SIPA1L2: variants seen among roughly 807,000 people sequenced by gnomAD.
The protein encoded by SIPA1L2 is signal-induced proliferation-associated 1-like protein 2.
In SIPA1L2, 56 loss-of-function variants were observed where a neutral mutation model predicts 163.9. That is an observed-to-expected ratio of 0.34 (90% confidence interval 0.28 to 0.43). The LOEUF is 0.43. Among genes scored for constraint, SIPA1L2 ranks in the 20% least tolerant of loss-of-function variants. SIPA1L2 has a pLI of 1.00. For synonymous variants in SIPA1L2, 877 were observed against 865.7 expected (o/e 1.01, Z -0.23); for missense variants, 1,974 against 2,193.5 (o/e 0.90, Z 2.00).
At chr1:232,484,062 G>C (rs1474695287) in intron 5 of SIPA1L2, 96 bp from the exon 6 acceptor site, 1 of 1,186,422 alleles carries the variant, frequency 8.4e-7, no homozygotes. Flanking sequence ...ATTGTTCTAG[G>C]AAAGCATGCC....
At chr1:232,429,922 C>T (rs1662128932) in intron 16 of SIPA1L2, among the ~76,000 whole-genome samples, 1 of 152,148 alleles carries the variant, frequency 6.6e-6, no homozygotes, top group African/African-American at 2.4e-5. Flanking sequence ...ATATTACATC[C>T]ATAATTACGA....
At chr1:232,588,179 A>G (rs996713158) in intron 1 of SIPA1L2, among the ~76,000 whole-genome samples, 1 of 152,208 alleles carries the variant, frequency 6.6e-6, no homozygotes. Context: ...CGCAAGGGTC[A>G]GCACCTGTGG....
At chr1:232,596,372 C>T (rs1276380929) in intron 1 of SIPA1L2, among the ~76,000 whole-genome samples, 4 of 152,154 alleles carry the variant, frequency 2.6e-5, no homozygotes, top group Admixed American at 1.3e-4. Context: ...ACATGTGAAA[C>T]GAATTTCAAA....
chr1:232,599,690 C>CCCTG (rs1661490733), intron 1 of SIPA1L2, among the ~76,000 whole-genome samples: 1 of 152,118 alleles, frequency 6.6e-6, no homozygotes, highest in Admixed American at 6.6e-5. Context: ...CTTCCTACTC[C>CCCTG]CCTGCTGTAG....
At chr1:232,539,200 C>T (rs542547545) in intron 2 of SIPA1L2, among the ~76,000 whole-genome samples, 2 of 152,340 alleles carry the variant, frequency 1.3e-5, no homozygotes, top group South Asian at 4.1e-4. Flanking sequence ...TCTGTCTAAC[C>T]TGATGCCAGT....
At chr1:232,591,687 C>G (rs889185618) in intron 1 of SIPA1L2, among the ~76,000 whole-genome samples, 1 of 152,164 alleles carries the variant, frequency 6.6e-6, no homozygotes. Flanking sequence ...CATGTTAGGG[C>G]AGAGTCTAAG....
At chr1:232,577,270 T>A (rs542144454) in intron 1 of SIPA1L2, among the ~76,000 whole-genome samples, 2 of 152,318 alleles carry the variant, frequency 1.3e-5, no homozygotes, top group Admixed American at 6.5e-5. Context: ...CATTATTTAC[T>A]AAATATTTTA....
At chr1:232,503,656 T>A (rs1666588325) in intron 3 of SIPA1L2, among the ~76,000 whole-genome samples, 1 of 152,250 alleles carries the variant, frequency 6.6e-6, no homozygotes. Context: ...AGAAGCTAGC[T>A]TGCTATTTTG....
At chr1:232,535,259 G>A (rs781537949) in intron 2 of SIPA1L2, among the ~76,000 whole-genome samples, 4 of 152,106 alleles carry the variant, frequency 2.6e-5, no homozygotes, top group African/African-American at 4.8e-5. Flanking sequence ...TTTTTTTAAA[G>A]CTGTCATAAT....
chr1:232,412,453 GACAT>G (rs773231912), intron 19 of SIPA1L2, among the ~76,000 whole-genome samples: 3 of 152,194 alleles, frequency 2.0e-5, no homozygotes, highest in Non-Finnish European at 4.4e-5. Flanking sequence ...CAAGTACATG[GACAT>G]GTTTTGGGTT....
chr1:232,584,291 C>G (rs1436795200), intron 1 of SIPA1L2, among the ~76,000 whole-genome samples: 2 of 152,112 alleles, frequency 1.3e-5, no homozygotes, highest in Non-Finnish European at 2.9e-5. Flanking sequence ...GTGGTGCGAT[C>G]TCTGCTCACT....
At chr1:232,544,124 CTTCT>C (rs1416083157) in intron 2 of SIPA1L2, among the ~76,000 whole-genome samples, 8 of 24,448 alleles carry the variant, frequency 3.3e-4, no homozygotes, top group African/African-American at 1.1e-3. Context: ...CAACAGAAAC[CTTCT>C]TTTTTTTTTT....
At position 232,445,625 on chromosome 1, in the gene SIPA1L2, G is replaced by A. The variant is rs556538452; in HGVS notation, c.3257C>T (p.Thr1086Met). 1.2e-5 allele frequency: 19 copies of A among 1,613,982 alleles called. No homozygotes were observed. The highest frequency in any genetic ancestry group is 3.3e-4 in the Middle Eastern group (2 of 6,014). Residue 1086 changes from threonine (T) to methionine (M), a missense_variant, in exon 11 of 23, where the codon ACG becomes ATG. This residue lies in a region of SIPA1L2 where 1,079 missense variants were observed against 1,150.7 expected (regional missense o/e 0.94). Coordinates refer to ENST00000674635, the MANE Select transcript of SIPA1L2 (RefSeq NM_020808.5). ...CTGTTGGCACGGCAGCCGGTCGGGC[G>A]TGCCGGGGATGGGGGAAGCTCTAGA... is the stretch of plus-strand genomic sequence containing the variant. ...PLSRASPIPG[T>M]PDRLPCQQLL...
intron 2 of SIPA1L2, among the ~76,000 whole-genome samples, chr1:232,544,522 T>G (rs1421777312): frequency 6.6e-6 from 1 of 151,288 alleles, no homozygotes; most frequent in Non-Finnish European, 1.5e-5. Context: ...ATTACGCCAC[T>G]GCACTCCAGC....
intron 1 of SIPA1L2, among the ~76,000 whole-genome samples, chr1:232,622,533 T>G (rs752627695): frequency 1.2e-4 from 18 of 152,214 alleles, no homozygotes; most frequent in Non-Finnish European, 2.1e-4. Context: ...CTCATGGGAT[T>G]CAAATAGGGC....
At chr1:232,404,281 T>TGA (rs1660518565) in intron 19 of SIPA1L2, 103 bp from the exon 20 acceptor site, 1 of 945,016 alleles carries the variant, frequency 1.1e-6, no homozygotes, top group Admixed American at 2.0e-5. Flanking sequence ...TGTGTGTGTG[T>TGA]GATGGACCAG....
intron 2 of SIPA1L2, among the ~76,000 whole-genome samples, chr1:232,525,114 A>C (rs966393240): frequency 6.6e-6 from 1 of 152,128 alleles, no homozygotes; most frequent in Non-Finnish European, 1.5e-5. Context: ...ATGGATATTA[A>C]CATTGAATGA....
chr1:232,443,635 C>G lies in SIPA1L2; in HGVS notation c.3404G>C (p.Ser1135Thr). 6.2e-7 allele frequency: 1 copy of G among 1,609,842 alleles called. No individual in the cohort carries two copies. Among genetic ancestry groups the G allele is most frequent in the Non-Finnish European group, 8.5e-7 (1 of 1,178,122 alleles). ...GCCCACTTGTGGTCTCCAGGGTCCG[C>G]TCCCGCCGGGTCCAGGGTCGCTGGA... ...SSSSDPGPGG[S>T]GPWRPQVGYD... Residue 1135 changes from serine (S) to threonine (T), a missense_variant, in exon 12 of 23, where the codon AGC becomes ACC. Physicochemically the swap from Ser to Thr is moderately conservative, Grantham distance 58. Transcript: ENST00000674635.
intron 7 of SIPA1L2, among the ~76,000 whole-genome samples, chr1:232,477,169 T>A (rs1044844274): frequency 2.6e-5 from 4 of 152,190 alleles, no homozygotes; most frequent in African/African-American, 9.7e-5. Context: ...TGTCAAAAAA[T>A]AATTTTCTGA....
Sources: gnomAD v4.1 joint callset for allele counts (sites outside exome capture counted in the v4.1 genomes callset) on GRCh38, gnomAD v4.1.1 for gene constraint, gnomAD v4.1.1 regional missense constraint, MANE v1.5 for transcripts, NCBI Gene and HGNC (gene_info 2026-07-23, HGNC 2026-07-21) for gene names.